The following ECE1 variants were observed in gnomAD, a reference collection of about 807,000 sequenced individuals.
The protein encoded by ECE1 is endothelin converting enzyme 1, also known as endothelin-converting enzyme 1.
ECE1 carries 35 observed loss-of-function variants against 98.6 expected under a neutral mutation model. The ratio of observed to expected loss-of-function variants is 0.35; its 90% CI spans 0.27 to 0.47. The LOEUF is 0.47. Ranked by LOEUF, ECE1 falls within the 20% of genes least tolerant of loss-of-function variation. The pLI, the probability that ECE1 is intolerant of heterozygous loss-of-function variation, is 1.00. For missense variants in ECE1, 814 were observed against 1,025.3 expected (o/e 0.79, Z 2.81); for synonymous variants, 394 against 407.1 (o/e 0.97, Z 0.39).
intron 1 of ECE1, among the ~76,000 whole-genome samples, chr1:21,339,187 T>C (rs957869690): frequency 1.3e-5 from 2 of 152,138 alleles, no homozygotes; most frequent in African/African-American, 2.4e-5. Context: ...CTAGTTCTGC[T>C]ACTGATTGGC....
chr1:21,253,688 A>T lies in ECE1; in HGVS notation c.1020+2259T>A, dbSNP rs539072982. ...TGAGGTGGGAGAATGGCGTGAACCCAGGAGGTGGAGCTTGCAGAGAGCCGA... is the reference window on the plus strand; with the variant it reads ...TGAGGTGGGAGAATGGCGTGAACCCTGGAGGTGGAGCTTGCAGAGAGCCGA... On this transcript the variant is annotated intron_variant, in intron 8 of 18. Transcript: ENST00000374893. Among the ~76,000 whole-genome samples, 244 of 147,854 alleles carry T rather than the reference A, an allele frequency of 1.7e-3. 1 individual carries two copies. The highest frequency in any genetic ancestry group is 5.7e-3 in the African/African-American group (226 of 39,796).
At chr1:21,294,397 C>G (rs1638296502), upstream of ECE1, 1 of 152,380 alleles carries the variant, frequency 6.6e-6, no homozygotes, top group African/African-American at 2.4e-5. The surrounding 1 kb of genome is among the most constrained non-coding windows in gnomAD (Gnocchi z 4.2). Flanking sequence ...CACTGTGCAG[C>G]CGTGGAGGAG....
intron 1 of ECE1, chr1:21,299,025 A>G (rs1257812409): frequency 1.1e-5 from 4 of 378,288 alleles, no homozygotes; most frequent in East Asian, 7.3e-5. Flanking sequence ...CAGGCTGGGG[A>G]AGTCCCAATC....
rs1032234314 is a variant in ECE1, at chr1:21,319,590, C to T, written c.3+25786G>A. Among the ~76,000 whole-genome samples the T allele has an allele frequency of 6.6e-6, 1 of 152,116 alleles. No individual in the cohort carries two copies. The highest frequency in any genetic ancestry group is 1.5e-5 in the Non-Finnish European group (1 of 68,006). On this transcript the variant is annotated intron_variant, in intron 1 of 18. Transcript: ENST00000415912. This position sits in a 1 kb window ranked among gnomAD's most constrained non-coding sequence, Gnocchi z 4.4. ...TCTGCTCCTGGCCTTCCTGGGAGCC[C>T]TCCAAGCCAGCAGCTGTGCCCTCCC...
rs764604435 is a variant in ECE1 at position 21,260,357 on chromosome 1, T to C, written c.529A>G (p.Lys177Glu). 24 of 1,614,128 alleles carry C rather than the reference T, an allele frequency of 1.5e-5. No individual in the cohort carries two copies. The highest frequency in any genetic ancestry group is 2.5e-6 in the Non-Finnish European group (3 of 1,180,052). Residue 177 changes from lysine (K) to glutamate (E), a missense_variant, in exon 5 of 19, where the codon AAG becomes GAG. Lys to Glu is a moderately conservative substitution (Grantham distance 56). Transcript: ENST00000374893. The surrounding 1 kb of genome is among the most constrained non-coding windows in gnomAD (Gnocchi z 4.3). ...STASVSEAER[K>E]AQVYYRACMN... Reference sequence around the variant, plus strand: ...CACGCACGGTAGTATACTTGCGCCTTTCTCTCTGCCTCGCTCACGCTGGCC... The same window carrying C: ...CACGCACGGTAGTATACTTGCGCCTCTCTCTCTGCCTCGCTCACGCTGGCC...
At chr1:21,321,982 A>G (rs1332489627) in intron 1 of ECE1, among the ~76,000 whole-genome samples, 1 of 152,032 alleles carries the variant, frequency 6.6e-6, no homozygotes, top group Non-Finnish European at 1.5e-5. Context: ...AGGATCTAAG[A>G]CCGCTTGGAA....
intron 4 of ECE1, among the ~76,000 whole-genome samples, chr1:21,264,439 C>T (rs1244842143): frequency 2.0e-5 from 3 of 151,986 alleles, no homozygotes; most frequent in Non-Finnish European, 2.9e-5. Flanking sequence ...CTCAGCCTCC[C>T]GAGTAGCTGG....
chr1:21,239,345 C>T (rs761430596), intron 10 of ECE1, among the ~76,000 whole-genome samples: 1 of 152,144 alleles, frequency 6.6e-6, no homozygotes, highest in Non-Finnish European at 1.5e-5. Context: ...GTGTGGTGGC[C>T]CTGCTCACAT....
At chr1:21,263,163 C>T (rs531483182) in intron 4 of ECE1, among the ~76,000 whole-genome samples, 14 of 152,210 alleles carry the variant, frequency 9.2e-5, no homozygotes, top group African/African-American at 3.1e-4. Context: ...TGTGCCTGGG[C>T]TGCCCCTCCG....
intron 4 of ECE1, among the ~76,000 whole-genome samples, chr1:21,264,013 C>T (rs645454): frequency 5.3e-5 from 8 of 152,224 alleles, no homozygotes; most frequent in Non-Finnish European, 1.0e-4. Flanking sequence ...GCCAGGATGG[C>T]GGCAGAGAAG....
chr1:21,337,377 G>A (rs912680011), intron 1 of ECE1, among the ~76,000 whole-genome samples: 7 of 152,182 alleles, frequency 4.6e-5, no homozygotes, highest in East Asian at 1.9e-4. Flanking sequence ...CTCAAAACCA[G>A]GCCAAACTAG....
chr1:21,305,719 G>A (rs1045255667), intron 1 of ECE1, among the ~76,000 whole-genome samples: 17 of 152,206 alleles, frequency 1.1e-4, no homozygotes, highest in Admixed American at 1.0e-3. Context: ...AGAGACAACA[G>A]GCTGGGCTCC....
chr1:21,229,514 A>G (rs995670229), intron 14 of ECE1, among the ~76,000 whole-genome samples: 1 of 152,198 alleles, frequency 6.6e-6, no homozygotes, highest in Admixed American at 6.5e-5. Context: ...GAATAAAGTG[A>G]GCTTATCACC....
rs1190757748 is a variant in ECE1, at chr1:21,222,885, AT to A, written c.2041-1044del. On this transcript the variant is annotated intron_variant, in intron 17 of 18. Transcript: ENST00000374893. ...AAAAAAGCCACAGACATGGAAACAA[AT>A]GGAGCCAGCTGCAACGCCAAGAAAC... is the stretch of plus-strand genomic sequence containing the variant. 2.0e-5 allele frequency among the ~76,000 whole-genome samples: 3 copies of A among 151,560 alleles called. No homozygotes were observed. In the East Asian group the frequency reaches 5.8e-4, roughly 29 times the overall value.
chr1:21,236,624 G>A (rs1191250690), intron 12 of ECE1, 122 bp downstream of exon 12: 4 of 961,694 alleles, frequency 4.2e-6, no homozygotes, highest in Non-Finnish European at 3.3e-6. Flanking sequence ...ACTCCAGCCT[G>A]GGTAACAAGA....
rs1248572129 is a variant in ECE1 at position 21,306,379 on chromosome 1, C to G, written c.4-16223G>C. On this transcript the variant is annotated intron_variant, in intron 1 of 18. Transcript: ENST00000415912. ...AGTTTGGAGTTTCGCTCTTGTTGCC[C>G]AGGCTGGAGTGCAATGGCGTGATCT... 4.6e-5 allele frequency among the ~76,000 whole-genome samples: 7 copies of G among 151,562 alleles called. No individual in the cohort carries two copies. The East Asian group carries it at 1.4e-3, about 29-fold the overall frequency.
chr1:21,344,627 G>C (rs1477368235), intron 1 of ECE1, among the ~76,000 whole-genome samples: 1 of 152,050 alleles, frequency 6.6e-6, no homozygotes, highest in Non-Finnish European at 1.5e-5. Flanking sequence ...TGGGGCTTTA[G>C]AGAGCCCCAT....
In ECE1 at chr1:21,220,155, G is replaced by A; in HGVS notation, c.2137-24C>T. On this transcript the variant is annotated intron_variant, in intron 18 of 18. Transcript: ENST00000374893. This position sits in a 1 kb window ranked among gnomAD's most constrained non-coding sequence, Gnocchi z 5.0. ...ACCTTTGAAGGGGCAACAGGGAGAG[G>A]CCAGGGTCACTGTGGGGCCCTCGGG... 6.3e-7 allele frequency: 1 copy of A among 1,598,456 alleles called. No individual in the cohort carries two copies. Among genetic ancestry groups the A allele is most frequent in the Non-Finnish European group, 8.5e-7 (1 of 1,169,958 alleles).
At chr1:21,342,237 G>A (rs77025042) in intron 1 of ECE1, among the ~76,000 whole-genome samples, 8,987 of 152,194 alleles carry the variant, frequency 0.059, 356 homozygotes, top group Non-Finnish European at 0.088. Context: ...GCTGCAGATG[G>A]GGGATGATGG....
Sources: allele counts gnomAD v4.1 joint callset (sites outside exome capture counted in the v4.1 genomes callset), GRCh38; gene constraint gnomAD v4.1.1; non-coding constraint Gnocchi (gnomAD v3.1); transcripts MANE v1.5; gene names NCBI Gene and HGNC (gene_info 2026-07-23, HGNC 2026-07-21).